The following CNTN5 variants were observed in gnomAD, a reference collection of about 807,000 sequenced individuals.
The protein encoded by CNTN5 is contactin 5.
In CNTN5, 77 loss-of-function variants were observed where a neutral mutation model predicts 129.1. The observed-to-expected ratio is 0.60, with a 90% CI of 0.50 to 0.72. CNTN5 has a LOEUF of 0.72. Among genes scored for constraint, CNTN5 ranks in the 30% least tolerant of loss-of-function variants. CNTN5 has a pLI of 0.00. For missense variants in CNTN5, 1,478 were observed against 1,328.8 expected (o/e 1.11, Z -1.75); for synonymous variants, 509 against 465.6 (o/e 1.09, Z -1.20).
intron 8 of CNTN5, among the ~76,000 whole-genome samples, chr11:99,973,278 G>A (rs187339606): frequency 2.6e-5 from 4 of 152,176 alleles, no homozygotes; most frequent in Admixed American, 1.3e-4. Flanking sequence ...TCAGGTGGTC[G>A]CAGTATTTCT....
intron 1 of CNTN5, among the ~76,000 whole-genome samples, chr11:99,142,738 A>C (rs1302556455): frequency 6.6e-6 from 1 of 152,032 alleles, no homozygotes; most frequent in Admixed American, 6.5e-5. Context: ...CCATTCTGAC[A>C]CCAAACCTCT....
At chr11:99,584,402 T>A (rs1373900014) in intron 3 of CNTN5, among the ~76,000 whole-genome samples, 4 of 152,198 alleles carry the variant, frequency 2.6e-5, no homozygotes, top group Admixed American at 1.3e-4. Flanking sequence ...ACCTTGGAGA[T>A]GCTCCAGAGT....
intron 1 of CNTN5, among the ~76,000 whole-genome samples, chr11:99,293,265 C>G (rs1864245043): frequency 6.6e-6 from 1 of 152,116 alleles, no homozygotes. Flanking sequence ...TATCTTGCAT[C>G]CCTGGGATGA....
chr11:99,169,472 T>C (rs557500066), intron 1 of CNTN5, among the ~76,000 whole-genome samples: 2 of 151,998 alleles, frequency 1.3e-5, no homozygotes, highest in African/African-American at 4.8e-5. Flanking sequence ...GATAACACTT[T>C]AAGAAATATG....
At chr11:99,145,657 AG>A (rs1490049493) in intron 1 of CNTN5, among the ~76,000 whole-genome samples, 1 of 152,212 alleles carries the variant, frequency 6.6e-6, no homozygotes, top group Non-Finnish European at 1.5e-5. Context: ...TCTCCAAAAT[AG>A]ATCTTGAGCT....
chr11:99,813,592 A>G (rs1946494747), intron 3 of CNTN5, among the ~76,000 whole-genome samples: 1 of 152,152 alleles, frequency 6.6e-6, no homozygotes, highest in South Asian at 2.1e-4. Context: ...ACTGAGACTA[A>G]AGATGAAATT....
chr11:99,981,103 T>TATATATATATATATATATATATATATAC (rs1014330113), intron 8 of CNTN5, among the ~76,000 whole-genome samples: 4 of 54,494 alleles, frequency 7.3e-5, no homozygotes, highest in Admixed American at 5.8e-4. Flanking sequence ...TATATATATA[T>TATATATATATATATATATATATATATAC]ACACACACAC....
At chr11:99,104,669 A>G (rs1866914098) in intron 1 of CNTN5, among the ~76,000 whole-genome samples, 1 of 151,826 alleles carries the variant, frequency 6.6e-6, no homozygotes, top group Non-Finnish European at 1.5e-5. Flanking sequence ...AAAACATCAG[A>G]TTGCCTTCCA....
At chr11:99,788,614 A>T (rs1945622892) in intron 3 of CNTN5, among the ~76,000 whole-genome samples, 1 of 151,922 alleles carries the variant, frequency 6.6e-6, no homozygotes, top group South Asian at 2.1e-4. Context: ...AGTTGATGCA[A>T]CTTTTTACAT....
At chr11:99,565,438 G>T (rs990774882) in intron 3 of CNTN5, among the ~76,000 whole-genome samples, 7 of 152,196 alleles carry the variant, frequency 4.6e-5, no homozygotes, top group African/African-American at 1.2e-4. Flanking sequence ...ACAGTCAAGA[G>T]ATTACTTGAG....
intron 3 of CNTN5, among the ~76,000 whole-genome samples, chr11:99,647,973 A>T (rs1283224739): frequency 6.6e-6 from 1 of 151,816 alleles, no homozygotes; most frequent in Non-Finnish European, 1.5e-5. Context: ...CATGGTCTAC[A>T]CAGATAATTT....
At chr11:100,189,270 A>G in intron 13 of CNTN5, among the ~76,000 whole-genome samples, 1 of 151,500 alleles carries the variant, frequency 6.6e-6, no homozygotes, top group African/African-American at 2.4e-5. Context: ...TTGAATTAAA[A>G]AAAAAAAAAA....
rs142031741 is a variant in CNTN5 at position 99,102,212 on chromosome 11, G to A, written c.-210+80942G>A. On this transcript the variant is annotated intron_variant, in intron 1 of 24. Transcript: ENST00000524871. The stretch of plus-strand genomic sequence containing the variant: ...GCAGACAGCAGGGGGTTCTGGGCCT[G>A]GACCACAAAACCATATTTTTTTCTC... 1.3e-3 allele frequency among the ~76,000 whole-genome samples: 201 copies of A among 152,168 alleles called. 1 individual carries two copies. Among genetic ancestry groups the A allele is most frequent in the African/African-American group, 4.6e-3 (193 of 41,528 alleles).
chr11:99,342,095 T>C (rs2136057782), intron 2 of CNTN5, among the ~76,000 whole-genome samples: 1 of 152,296 alleles, frequency 6.6e-6, no homozygotes, highest in Admixed American at 6.5e-5. Context: ...ATGCTGATCT[T>C]TTCCATATTT....
chr11:99,610,155 C>T (rs763432951), intron 3 of CNTN5, among the ~76,000 whole-genome samples: 21 of 152,156 alleles, frequency 1.4e-4, no homozygotes, highest in Non-Finnish European at 2.6e-4. Flanking sequence ...GTGCAAAACA[C>T]TTAGCATAAT....
At chr11:99,768,751 G>T (rs1944843594) in intron 3 of CNTN5, among the ~76,000 whole-genome samples, 3 of 152,112 alleles carry the variant, frequency 2.0e-5, no homozygotes, top group African/African-American at 7.2e-5. Context: ...GTGACACTAA[G>T]TTTGAGTCAC....
chr11:99,506,051 C>T (rs768885069), intron 2 of CNTN5, among the ~76,000 whole-genome samples: 4 of 152,206 alleles, frequency 2.6e-5, no homozygotes, highest in African/African-American at 4.8e-5. Flanking sequence ...TAATCCCTCA[C>T]CTTAGGCTGC....
intron 2 of CNTN5, among the ~76,000 whole-genome samples, chr11:99,449,241 A>T (rs1267469481): frequency 2.0e-5 from 3 of 152,208 alleles, no homozygotes; most frequent in Non-Finnish European, 2.9e-5. Flanking sequence ...AACATGTGTG[A>T]ATTTTTCTAA....
intron 3 of CNTN5, among the ~76,000 whole-genome samples, chr11:99,720,402 C>CA (rs1189157725): frequency 4.0e-5 from 6 of 151,804 alleles, no homozygotes; most frequent in Non-Finnish European, 5.9e-5. Context: ...GAACTAAAGA[C>CA]AAAAAACACA....
Sources: gnomAD v4.1 joint callset for allele counts (sites outside exome capture counted in the v4.1 genomes callset) on GRCh38, gnomAD v4.1.1 for gene constraint, MANE v1.5 for transcripts, NCBI Gene and HGNC (gene_info 2026-07-23, HGNC 2026-07-21) for gene names.